The following SYT7 variants were observed in gnomAD, a reference collection of about 807,000 sequenced individuals.
The protein encoded by SYT7 is synaptotagmin-7.
Under a neutral mutation model 75.1 loss-of-function variants are expected in SYT7, and 29 were observed. The observed-to-expected ratio is 0.39, with a 90% CI of 0.29 to 0.53. The LOEUF (loss-of-function observed/expected upper bound fraction) is 0.53, where lower values mean the gene tolerates loss of function less well. SYT7 is among the 20% of genes least tolerant of loss of function. The pLI, the probability that SYT7 is intolerant of heterozygous loss-of-function variation, is 0.77. For synonymous variants in SYT7, 376 were observed against 401.7 expected, an observed-to-expected ratio of 0.94 and a Z score of 0.76; for missense variants, 693 against 953.2, an observed-to-expected ratio of 0.73 and a Z score of 3.59.
Position 61,515,912 on chromosome 11 carries a change from C to G in SYT7, c.*2715G>C, listed in dbSNP as rs1461127975. ...GCAGGTGGGCCTTGCAGTCAGGATT[C>G]GGTAATTACACTTTGCTCACGGGTA... On this transcript the variant is annotated 3_prime_UTR_variant, in exon 13 of 13. Transcript: ENST00000539008. 6.6e-6 allele frequency: 1 copy of G among 152,620 alleles called. No individual in the cohort carries two copies. Among genetic ancestry groups the G allele is most frequent in the African/African-American group, 2.4e-5 (1 of 41,426 alleles). The allele number at this position is 152,620 out of a possible 1,614,324, so 9.5% of individuals were successfully genotyped here. A position where few individuals can be genotyped will look rare whatever the true frequency, so the allele number is the denominator to read the frequency against.
intron 3 of SYT7, among the ~76,000 whole-genome samples, chr11:61,547,606 C>G (rs1490255964): frequency 6.6e-6 from 1 of 151,568 alleles, no homozygotes; most frequent in Non-Finnish European, 1.5e-5. Context: ...AGACTGGAGC[C>G]TCGCACCTGG....
chr11:61,534,441 G>GCACA (rs1555004858), intron 7 of SYT7, among the ~76,000 whole-genome samples: 9 of 30,032 alleles, frequency 3.0e-4, no homozygotes, highest in East Asian at 1.0e-3. Context: ...ACACGCACAC[G>GCACA]CACGCACACA....
chr11:61,546,433 C>G lies in SYT7; in HGVS notation c.348-178G>C, dbSNP rs1165212473. 7 of 547,274 alleles carry G rather than the reference C, an allele frequency of 1.3e-5. No individual in the cohort carries two copies. Among genetic ancestry groups the G allele is most frequent in the African/African-American group, 4.0e-5 (2 of 50,098 alleles). 33.9% of individuals were successfully genotyped at this position (547,274 alleles called of 1,614,324 possible). ...GAGAGACAGACGGACATGAGACAGA[C>G]AGAGAGAGAGAGAGAGACATCAGCA... On this transcript the variant is annotated intron_variant, in intron 4 of 12. Coordinates refer to ENST00000539008, the MANE Select transcript of SYT7 (RefSeq NM_001365809.2). The surrounding 1 kb of genome is among the most constrained non-coding windows in gnomAD (Gnocchi z 7.6).
Position 61,524,088 on chromosome 11 carries a change from C to G in SYT7, c.1642-147G>C, listed in dbSNP as rs2062434196. The stretch of plus-strand genomic sequence containing the variant: ...TCTGTCTCACTCTGTCTCCCCCCAT[C>G]TGGCAGGTGTGTGTACTGCCCCTCC... On this transcript the variant is annotated intron_variant, in intron 10 of 12. Transcript: ENST00000539008. The surrounding 1 kb of genome is among the most constrained non-coding windows in gnomAD (Gnocchi z 4.1). 1.1e-5 allele frequency: 9 copies of G among 806,584 alleles called. No homozygotes were observed. Among genetic ancestry groups the G allele is most frequent in the Non-Finnish European group, 1.8e-5 (9 of 498,590 alleles). The allele number at this position is 806,584 out of a possible 1,614,324, so 50.0% of individuals were successfully genotyped here. A position where few individuals can be genotyped will look rare whatever the true frequency, so the allele number is the denominator to read the frequency against.
rs2063175746 is a variant in SYT7, at chr11:61,546,091, C to T, written c.512G>A (p.Gly171Glu). The T allele has an allele frequency of 6.5e-7, 1 of 1,532,092 alleles. No homozygotes were observed. Among genetic ancestry groups the T allele is most frequent in the South Asian group, 1.2e-5 (1 of 83,852 alleles). 94.9% of individuals were successfully genotyped at this position (1,532,092 alleles called of 1,614,324 possible). A position where few individuals can be genotyped will look rare whatever the true frequency, so the allele number is the denominator to read the frequency against. ...CTGCACCGTCCGCCAGCGGCCTCTCCCCGCCTTGCCACCGCTGCCCGGCTC... is the reference window on the plus strand; with the variant it reads ...CTGCACCGTCCGCCAGCGGCCTCTCTCCGCCTTGCCACCGCTGCCCGGCTC... Reference protein sequence around the residue: ...PSEPGSGGKAGRGRWRTVQSH... With the variant: ...PSEPGSGGKAERGRWRTVQSH... Residue 171 changes from glycine to glutamate, a missense_variant, in exon 5 of 13, where the codon GGG becomes GAG. Gly to Glu is a moderately conservative substitution (Grantham distance 98). Around this residue, in one of 2 missense-constraint regions of SYT7, gnomAD observed 487 missense variants for 593.2 expected, o/e 0.82. Transcript: ENST00000539008. This position sits in a 1 kb window ranked among gnomAD's most constrained non-coding sequence, Gnocchi z 7.6.
Position 61,551,541 on chromosome 11 carries a change from G to A in SYT7, c.136-78C>T. The A allele has an allele frequency of 6.8e-7, 1 of 1,460,970 alleles. No individual in the cohort carries two copies. The highest frequency in any genetic ancestry group is 9.5e-7 in the Non-Finnish European group (1 of 1,050,386). The allele number at this position is 1,460,970 out of a possible 1,614,324, so 90.5% of individuals were successfully genotyped here. On this transcript the variant is annotated intron_variant, in intron 2 of 12. Coordinates refer to ENST00000539008, the MANE Select transcript of SYT7 (RefSeq NM_001365809.2). This position sits in a 1 kb window ranked among gnomAD's most constrained non-coding sequence, Gnocchi z 5.3. ...ACCTCCCCAGAACAGGGACCCGGAGGGGAAGGAGATAGACTGGAGTCGGGC... is the reference window on the plus strand; with the variant it reads ...ACCTCCCCAGAACAGGGACCCGGAGAGGAAGGAGATAGACTGGAGTCGGGC...
chr11:61,547,733 G>T (rs1283595570), intron 3 of SYT7, among the ~76,000 whole-genome samples: 1 of 152,162 alleles, frequency 6.6e-6, no homozygotes, highest in Admixed American at 6.5e-5. Flanking sequence ...TTTCTGGCTA[G>T]ATGGAGCTGA....
In SYT7 at chr11:61,580,996, TCCCG is replaced by T; in HGVS notation, c.-180_-177del. 10 of 574,250 alleles carry T rather than the reference TCCCG, an allele frequency of 1.7e-5. No homozygotes were observed. The highest frequency in any genetic ancestry group is 1.9e-5 in the Non-Finnish European group (9 of 467,090). 35.6% of individuals were successfully genotyped at this position (574,250 alleles called of 1,614,324 possible). ...GGGAGCGGGGGCCGCCCGCCAGCCC[TCCCG>T]CCCGCCCGCGGAGCACGCTGCCGCC... On this transcript the variant is annotated 5_prime_UTR_variant, in exon 1 of 13. Transcript: ENST00000539008. The surrounding 1 kb of genome is among the most constrained non-coding windows in gnomAD (Gnocchi z 6.1).
intron 7 of SYT7, among the ~76,000 whole-genome samples, chr11:61,535,286 G>C (rs748151762): frequency 1.2e-4 from 18 of 152,248 alleles, no homozygotes; most frequent in Non-Finnish European, 2.1e-4. Context: ...GCCAACAGGA[G>C]AGGCAGAGAG....
chr11:61,534,960 G>T (rs1398944546), intron 7 of SYT7, among the ~76,000 whole-genome samples: 1 of 152,262 alleles, frequency 6.6e-6, no homozygotes, highest in Admixed American at 6.5e-5. Flanking sequence ...GAAGAGCAGG[G>T]AGAGTGTGAG....
At position 61,523,406 on chromosome 11, in the gene SYT7, G is replaced by A. The variant is rs1039618299; in HGVS notation, c.1757-132C>T. 3.5e-6 allele frequency: 3 copies of A among 848,514 alleles called. No homozygotes were observed. Among genetic ancestry groups the A allele is most frequent in the East Asian group, 2.5e-5 (1 of 39,716 alleles). 52.6% of individuals were successfully genotyped at this position (848,514 alleles called of 1,614,324 possible). A position where few individuals can be genotyped will look rare whatever the true frequency, so the allele number is the denominator to read the frequency against. ...TCCCCAGAGGCAAGGAAAGACCCAG[G>A]CAAGAACAAGAGGGACCTGGGAGAA... On this transcript the variant is annotated intron_variant, in intron 11 of 12. Transcript: ENST00000539008. The surrounding 1 kb of genome is among the most constrained non-coding windows in gnomAD (Gnocchi z 5.0).
chr11:61,546,374 A>C lies in SYT7; in HGVS notation c.348-119T>G. 1 of 625,618 alleles carries C rather than the reference A, an allele frequency of 1.6e-6. No homozygotes were observed. Among genetic ancestry groups the C allele is most frequent in the East Asian group, 3.1e-5 (1 of 32,274 alleles). The allele number at this position is 625,618 out of a possible 1,614,324, so 38.8% of individuals were successfully genotyped here. ...AGAGGAAGAAAAACAATAACAGATA[A>C]AAGGAAGAAAGAGACAGTGAGAGAG... is the stretch of plus-strand genomic sequence containing the variant. On this transcript the variant is annotated intron_variant, in intron 4 of 12. Coordinates refer to ENST00000539008, the MANE Select transcript of SYT7 (RefSeq NM_001365809.2). This position sits in a 1 kb window ranked among gnomAD's most constrained non-coding sequence, Gnocchi z 7.6.
rs986912151 is a variant in SYT7 at position 61,576,040 on chromosome 11, A to G, written c.31+4750T>C. 2.6e-5 allele frequency among the ~76,000 whole-genome samples: 4 copies of G among 152,170 alleles called. No individual in the cohort carries two copies. Among genetic ancestry groups the G allele is most frequent in the Non-Finnish European group, 5.9e-5 (4 of 68,026 alleles). ...GGTGGAGGCTGCAGAGACTCCCCAG[A>G]GCAGGCCGGATGCACCTGCCCGCCT... On this transcript the variant is annotated intron_variant, in intron 1 of 12. Coordinates refer to ENST00000539008, the MANE Select transcript of SYT7 (RefSeq NM_001365809.2). This position sits in a 1 kb window ranked among gnomAD's most constrained non-coding sequence, Gnocchi z 4.1.
intron 2 of SYT7, among the ~76,000 whole-genome samples, chr11:61,555,359 A>G (rs1296137076): frequency 6.6e-6 from 1 of 152,104 alleles, no homozygotes; most frequent in Non-Finnish European, 1.5e-5. Context: ...GCCGGGCGGC[A>G]GGAGTGGGGA....
chr11:61,546,060 G>A lies in SYT7; in HGVS notation c.543C>T (p.His181=). ...ACAAGTTGAGCTTCCCTGCGGCCAG[G>A]TGGCTCTGCACCGTCCGCCAGCGGC... ...GRGRWRTVQS[H]LAAGKLNLSN... is the part of the protein sequence containing the mutation. Residue 181 remains histidine, a synonymous_variant, in exon 5 of 13, where the codon CAC becomes CAT. Coordinates refer to ENST00000539008, the MANE Select transcript of SYT7 (RefSeq NM_001365809.2). The surrounding 1 kb of genome is among the most constrained non-coding windows in gnomAD (Gnocchi z 7.6). 6.5e-7 allele frequency: 1 copy of A among 1,533,644 alleles called. No homozygotes were observed. The highest frequency in any genetic ancestry group is 8.7e-7 in the Non-Finnish European group (1 of 1,145,844).
intron 12 of SYT7, among the ~76,000 whole-genome samples, chr11:61,521,671 C>T (rs1048180560): frequency 2.0e-5 from 3 of 152,184 alleles, no homozygotes; most frequent in Non-Finnish European, 4.4e-5. Flanking sequence ...AACTCAGCTC[C>T]CTTCCCTGTG....
chr11:61,563,609 T>C (rs1201365667), intron 1 of SYT7, among the ~76,000 whole-genome samples: 1 of 152,202 alleles, frequency 6.6e-6, no homozygotes, highest in African/African-American at 2.4e-5. Context: ...CATTCTATAA[T>C]GTGCTAGACT....
intron 8 of SYT7, among the ~76,000 whole-genome samples, chr11:61,530,017 C>A (rs1276589342): frequency 6.6e-6 from 1 of 152,242 alleles, no homozygotes; most frequent in African/African-American, 2.4e-5. Context: ...CTTGTCCTCA[C>A]TGACCTCTTA....
At chr11:61,525,499 C>G (rs186911975) in intron 9 of SYT7, among the ~76,000 whole-genome samples, 3 of 152,198 alleles carry the variant, frequency 2.0e-5, no homozygotes, top group Non-Finnish European at 2.9e-5. Context: ...CATGACCCCC[C>G]TCCTGGCTAC....
Sources: gnomAD v4.1 joint callset for allele counts (sites outside exome capture counted in the v4.1 genomes callset) on GRCh38, gnomAD v4.1.1 for gene constraint, gnomAD v4.1.1 regional missense constraint, Gnocchi (gnomAD v3.1) non-coding constraint, MANE v1.5 for transcripts, NCBI Gene and HGNC (gene_info 2026-07-23, HGNC 2026-07-21) for gene names.